HLA-DPB1: variants seen among roughly 807,000 people sequenced by gnomAD.
The protein encoded by HLA-DPB1 is HLA class II histocompatibility antigen, DP beta 1 chain.
HLA-DPB1 carries 30 observed loss-of-function variants against 29.4 expected under a neutral mutation model. That is an observed-to-expected ratio of 1.02 (90% CI 0.76 to 1.38). The LOEUF (loss-of-function observed/expected upper bound fraction) is 1.38. Ranked by LOEUF, HLA-DPB1 falls within the 40% of genes most tolerant of loss-of-function variation. The pLI is 0.00. For missense variants in HLA-DPB1, 261 were observed against 327.5 expected (o/e 0.80, Z 1.57); for synonymous variants, 114 against 134.0 (o/e 0.85, Z 1.03).
intron 3 of HLA-DPB1, 114 bp downstream of exon 3, chr6:33,085,345 C>A: frequency 1.1e-6 from 1 of 915,548 alleles, no homozygotes; most frequent in African/African-American, 1.7e-5. Flanking sequence ...GTCCAAACCC[C>A]ATCTTTCTTC....
rs772565701 is a variant in HLA-DPB1 at position 33,080,715 on chromosome 6, T to C, written c.144T>C (p.Asn48=). ...FQGRQECYAF[N]GTQRFLERYI... ...GACGGCAGGAATGCTACGCGTTTAA[T>C]GGGACACAGCGCTTCCTGGAGAGAT... Residue 48 remains asparagine (N), a synonymous_variant, in exon 2 of 6, where the codon AAT becomes AAC. Coordinates refer to ENST00000418931, the MANE Select transcript of HLA-DPB1 (RefSeq NM_002121.6). This position sits in a 1 kb window ranked among gnomAD's most constrained non-coding sequence, Gnocchi z 4.3. 1.9e-6 allele frequency: 3 copies of C among 1,613,228 alleles called. No homozygotes were observed. Among genetic ancestry groups the C allele is most frequent in the Admixed American group, 1.7e-5 (1 of 59,996 alleles).
chr6:33,076,146 G>A lies in HLA-DPB1; in HGVS notation c.100+5G>A. On this transcript the variant is annotated splice_donor_5th_base_variant and intron_variant, in intron 1 of 5. Transcript: ENST00000418931. Reference sequence around the variant, plus strand: ...TCCAGGGCAGGGCCACTCCAGGTAAGAGCCGAACTGCCATTCTTGGAGGGT... The same window carrying A: ...TCCAGGGCAGGGCCACTCCAGGTAAAAGCCGAACTGCCATTCTTGGAGGGT... 6.3e-7 allele frequency: 1 copy of A among 1,587,174 alleles called. No homozygotes were observed. The highest frequency in any genetic ancestry group is 1.3e-5 in the African/African-American group (1 of 74,566).
In HLA-DPB1 at chr6:33,089,642, G is replaced by A. The variant is rs1160328436; in HGVS notation, c.*3108G>A. ...CAAATAAGTGGGAATACTTGAAGGTGGAAAACATTTAAGAAGTACACACTA... is the reference window on the plus strand; with the variant it reads ...CAAATAAGTGGGAATACTTGAAGGTAGAAAACATTTAAGAAGTACACACTA... On this transcript the variant is annotated 3_prime_UTR_variant, in exon 6 of 6. Coordinates refer to ENST00000418931, the MANE Select transcript of HLA-DPB1 (RefSeq NM_002121.6). 1.3e-5 allele frequency among the ~76,000 whole-genome samples: 2 copies of A among 152,170 alleles called. No homozygotes were observed. Among genetic ancestry groups the A allele is most frequent in the African/African-American group, 4.8e-5 (2 of 41,434 alleles).
In HLA-DPB1 at chr6:33,087,232, C is replaced by A. The variant is rs9277537; in HGVS notation, c.*698C>A. On this transcript the variant is annotated 3_prime_UTR_variant, in exon 6 of 6. Transcript: ENST00000418931. ...TTCTTTGTGTGCCATCACAAATACT[C>A]CTTAACCAAATACGGCTTGGACTTT... 58,077 of 153,236 alleles carry A rather than the reference C, an allele frequency of 0.38. 12,512 individuals carry two copies. The highest frequency in any genetic ancestry group is 0.64 in the East Asian group (3,371 of 5,304). The allele number at this position is 153,236 out of a possible 1,614,324, so 9.5% of individuals were successfully genotyped here. A position where few individuals can be genotyped will look rare whatever the true frequency, so the allele number is the denominator to read the frequency against.
Position 33,080,294 on chromosome 6 carries a change from C to A in HLA-DPB1, c.101-378C>A. Reference sequence around the variant, plus strand: ...CAGTCAGGGAGTTAAGTAGGGGGAGCAGCTCCGCCCTCCACGTCCCCAGCT... The same window carrying A: ...CAGTCAGGGAGTTAAGTAGGGGGAGAAGCTCCGCCCTCCACGTCCCCAGCT... On this transcript the variant is annotated intron_variant, in intron 1 of 5. Coordinates refer to ENST00000418931, the MANE Select transcript of HLA-DPB1 (RefSeq NM_002121.6). The surrounding 1 kb of genome is among the most constrained non-coding windows in gnomAD (Gnocchi z 4.3). The A allele has an allele frequency of 2.5e-6, 1 of 400,392 alleles. No individual in the cohort carries two copies. The highest frequency in any genetic ancestry group is 4.9e-6 in the Non-Finnish European group (1 of 204,562). 24.8% of individuals were successfully genotyped at this position (400,392 alleles called of 1,614,324 possible).
intron 1 of HLA-DPB1, among the ~76,000 whole-genome samples, chr6:33,078,282 G>A (rs888242295): frequency 1.3e-5 from 2 of 152,140 alleles, no homozygotes; most frequent in Admixed American, 6.5e-5. Context: ...AGCTCCCTGC[G>A]TAGAATGAAT....
intron 1 of HLA-DPB1, 39 bp downstream of exon 1, chr6:33,076,180 G>T: frequency 7.2e-7 from 1 of 1,383,434 alleles, no homozygotes; most frequent in Admixed American, 1.9e-5. Context: ...GTCTGGCTCA[G>T]GGAACAATTC....
chr6:33,078,785 T>C (rs2150369842), intron 1 of HLA-DPB1, among the ~76,000 whole-genome samples: 1 of 152,250 alleles, frequency 6.6e-6, no homozygotes, highest in Non-Finnish European at 1.5e-5. Flanking sequence ...AATTCAAAAT[T>C]CTTATTCTTG....
chr6:33,085,240 C>T lies in HLA-DPB1; in HGVS notation c.646+9C>T. 6.3e-7 allele frequency: 1 copy of T among 1,596,396 alleles called. No homozygotes were observed. The highest frequency in any genetic ancestry group is 8.6e-7 in the Non-Finnish European group (1 of 1,169,022). Reference sequence around the variant, plus strand: ...TGTCACCGTGGAGTGGAGTGAGTCTCTGATGACCCTCTAGACCCCACCTCT... The same window carrying T: ...TGTCACCGTGGAGTGGAGTGAGTCTTTGATGACCCTCTAGACCCCACCTCT... On this transcript the variant is annotated intron_variant, in intron 3 of 5. Transcript: ENST00000418931.
At position 33,085,134 on chromosome 6, in the gene HLA-DPB1, G is replaced by T; in HGVS notation, c.549G>T (p.Gln183His). 6.2e-7 allele frequency: 1 copy of T among 1,613,978 alleles called. No homozygotes were observed. Among genetic ancestry groups the T allele is most frequent in the Non-Finnish European group, 8.5e-7 (1 of 1,179,996 alleles). The change falls in exon 3 of 6, where the codon CAG becomes CAT. Residue 183 changes from glutamine (Q) to histidine (H), a missense_variant. Physicochemically the swap from Gln to His is conservative, Grantham distance 24 (BLOSUM62 0). Transcript: ENST00000418931. ...NLIRNGDWTF[Q>H]ILVMLEMTPQ... ...TCCGTAATGGAGACTGGACCTTCCA[G>T]ATCCTGGTGATGCTGGAAATGACCC...
At position 33,082,331 on chromosome 6, in the gene HLA-DPB1, G is replaced by A. The variant is rs573778323; in HGVS notation, c.364+1396G>A. 5.4e-4 allele frequency among the ~76,000 whole-genome samples: 82 copies of A among 152,132 alleles called. 1 individual carries two copies. The South Asian group carries it at 7.5e-3, about 14-fold the overall frequency. On this transcript the variant is annotated intron_variant, in intron 2 of 5. Coordinates refer to ENST00000418931, the MANE Select transcript of HLA-DPB1 (RefSeq NM_002121.6). ...CCTGATGCCAGCCTAAGGAGTGTGG[G>A]TTTCTCCTCCAGGCCCGCAGGTCCC...
At position 33,080,602 on chromosome 6, in the gene HLA-DPB1, TGAGA is replaced by T. The variant is rs1762785836; in HGVS notation, c.101-62_101-59del. 6.3e-7 allele frequency: 1 copy of T among 1,593,936 alleles called. No homozygotes were observed. The highest frequency in any genetic ancestry group is 1.3e-5 in the African/African-American group (1 of 74,314). On this transcript the variant is annotated intron_variant, in intron 1 of 5. Transcript: ENST00000418931. This position sits in a 1 kb window ranked among gnomAD's most constrained non-coding sequence, Gnocchi z 4.3. ...AAGATTTGGGAAGAATCGTTAATAT[TGAGA>T]GAGAGAGGGAGAAAGAGGATTAGAT...
intron 2 of HLA-DPB1, among the ~76,000 whole-genome samples, chr6:33,082,371 T>C (rs9277370): frequency 0.37 from 55,939 of 150,620 alleles, 11,809 homozygotes; most frequent in East Asian, 0.62. Flanking sequence ...CTCACTCCTC[T>C]GAAGACTCTT....
intron 1 of HLA-DPB1, among the ~76,000 whole-genome samples, chr6:33,076,538 C>T (rs1000357828): frequency 1.3e-5 from 2 of 152,188 alleles, no homozygotes; most frequent in Non-Finnish European, 2.9e-5. Flanking sequence ...AGTGTCCAGG[C>T]TCTGAGGATC....
intron 4 of HLA-DPB1, 129 bp downstream of exon 4, chr6:33,086,018 G>C (rs570642334): frequency 6.8e-5 from 52 of 762,754 alleles, no homozygotes; most frequent in Non-Finnish European, 1.1e-4. Context: ...GATAATCGGG[G>C]AACAAACATG....
rs527544010 is a variant in HLA-DPB1, at chr6:33,089,076, G to A, written c.*2542G>A. The stretch of plus-strand genomic sequence containing the variant: ...CCATTTGTCAAGTAGCAGTGAGGCC[G>A]AGCCAGGGGATGGTGAAAGTGGAAG... On this transcript the variant is annotated 3_prime_UTR_variant, in exon 6 of 6. Coordinates refer to ENST00000418931, the MANE Select transcript of HLA-DPB1 (RefSeq NM_002121.6). 1.3e-5 allele frequency among the ~76,000 whole-genome samples: 2 copies of A among 152,160 alleles called. No individual in the cohort carries two copies. The highest frequency in any genetic ancestry group is 1.9e-4 in the East Asian group (1 of 5,162).
chr6:33,077,712 C>G (rs1323275755), intron 1 of HLA-DPB1, among the ~76,000 whole-genome samples: 1 of 152,172 alleles, frequency 6.6e-6, no homozygotes, highest in African/African-American at 2.4e-5. Flanking sequence ...TAGTTTTCCA[C>G]TGACTTCCAC....
At chr6:33,085,276 G>A in intron 3 of HLA-DPB1, 45 bp downstream of exon 3, 1 of 1,501,374 alleles carries the variant, frequency 6.7e-7, no homozygotes, top group Non-Finnish European at 9.1e-7. Flanking sequence ...GAAGAGCAGG[G>A]GACTCTCTGG....
chr6:33,088,758 T>C lies in HLA-DPB1; in HGVS notation c.*2224T>C, dbSNP rs931513968. ...AGGAGTCTTGAGGTACATCAGTCAT[T>C]GGAGTTGAAGAGCAGAGATTCAAAG... is the stretch of plus-strand genomic sequence containing the variant. On this transcript the variant is annotated 3_prime_UTR_variant, in exon 6 of 6. Coordinates refer to ENST00000418931, the MANE Select transcript of HLA-DPB1 (RefSeq NM_002121.6). Among the ~76,000 whole-genome samples, 2 of 152,116 alleles carry C rather than the reference T, an allele frequency of 1.3e-5. No individual in the cohort carries two copies. The highest frequency in any genetic ancestry group is 4.8e-5 in the African/African-American group (2 of 41,402).
Sources: gnomAD v4.1 joint callset for allele counts (sites outside exome capture counted in the v4.1 genomes callset) on GRCh38, gnomAD v4.1.1 for gene constraint, Gnocchi (gnomAD v3.1) non-coding constraint, MANE v1.5 for transcripts, NCBI Gene and HGNC (gene_info 2026-07-23, HGNC 2026-07-21) for gene names.